DOCK1: variants seen among roughly 807,000 people sequenced by gnomAD.
The protein encoded by DOCK1 is dedicator of cytokinesis protein 1.
DOCK1 carries 138 observed loss-of-function variants against 262.7 expected under a neutral mutation model. The observed-to-expected ratio is 0.53, with a 90% CI of 0.46 to 0.61. The LOEUF (loss-of-function observed/expected upper bound fraction) is 0.61. Among genes scored for constraint, DOCK1 ranks in the 20% least tolerant of loss-of-function variants. The probability of loss-of-function intolerance (pLI) is 0.00; values close to 1 mark genes in which losing one functional copy is unlikely to be tolerated. For missense variants in DOCK1, 1,908 were observed against 2,370.7 expected (o/e 0.80, Z 4.05); for synonymous variants, 866 against 867.4 (o/e 1.00, Z 0.03).
intron 1 of DOCK1, among the ~76,000 whole-genome samples, chr10:126,922,732 A>G (rs2033325425): frequency 6.6e-6 from 1 of 152,236 alleles, no homozygotes; most frequent in African/African-American, 2.4e-5. Flanking sequence ...GCACAACATT[A>G]GGAATGTACT....
chr10:127,102,497 G>A (rs2048310183), intron 23 of DOCK1, among the ~76,000 whole-genome samples: 1 of 152,152 alleles, frequency 6.6e-6, no homozygotes, highest in African/African-American at 2.4e-5. Context: ...AGATAGCTAT[G>A]GAAATATTCC....
chr10:127,431,447 C>G (rs2069284223), intron 47 of DOCK1, among the ~76,000 whole-genome samples: 1 of 152,230 alleles, frequency 6.6e-6, no homozygotes, highest in Non-Finnish European at 1.5e-5. Flanking sequence ...TCAACCAAGA[C>G]CTGAGGTCAC....
chr10:127,032,656 C>T (rs1302487217), intron 18 of DOCK1, among the ~76,000 whole-genome samples: 2 of 152,140 alleles, frequency 1.3e-5, no homozygotes, highest in Admixed American at 6.5e-5. Flanking sequence ...TAGGCTCAGG[C>T]GATCCTCCCA....
intron 21 of DOCK1, among the ~76,000 whole-genome samples, chr10:127,051,938 G>T (rs1426002907): frequency 6.6e-6 from 1 of 152,168 alleles, no homozygotes; most frequent in African/African-American, 2.4e-5. Context: ...CTATCCATCA[G>T]AGAGTATTTT....
At chr10:127,196,504 G>A (rs1428778012) in intron 27 of DOCK1, among the ~76,000 whole-genome samples, 9 of 148,130 alleles carry the variant, frequency 6.1e-5, no homozygotes, top group African/African-American at 1.7e-4. Flanking sequence ...CAGCTACTCC[G>A]CGGAGCCGGG....
chr10:127,011,775 G>T (rs1370438752), intron 11 of DOCK1, among the ~76,000 whole-genome samples: 3 of 151,896 alleles, frequency 2.0e-5, no homozygotes, highest in Non-Finnish European at 1.5e-5. Context: ...AAGCAGTTAG[G>T]TTCCAGGGAT....
intron 13 of DOCK1, among the ~76,000 whole-genome samples, chr10:127,019,474 C>T (rs1271076801): frequency 2.0e-5 from 3 of 152,070 alleles, no homozygotes; most frequent in African/African-American, 4.8e-5. Context: ...CTTGGCAGGG[C>T]GTAGTGGCTC....
intron 48 of DOCK1, among the ~76,000 whole-genome samples, chr10:127,434,693 G>A (rs1418333259): frequency 1.4e-5 from 2 of 139,586 alleles, no homozygotes; most frequent in South Asian, 2.2e-4. Context: ...TCCCTCTGTC[G>A]CCCAGGCTGA....
chr10:127,355,634 C>T (rs1051644298), intron 32 of DOCK1, among the ~76,000 whole-genome samples: 2 of 152,224 alleles, frequency 1.3e-5, no homozygotes, highest in East Asian at 3.9e-4. Context: ...ACTCTCCCCT[C>T]TACCTCAGAG....
chr10:127,035,055 A>G (rs576867816), intron 18 of DOCK1, among the ~76,000 whole-genome samples: 1 of 152,354 alleles, frequency 6.6e-6, no homozygotes, highest in Admixed American at 6.5e-5. Context: ...GCCACTCACC[A>G]GGACTGATGG....
At chr10:127,150,854 C>T (rs1189007128) in intron 27 of DOCK1, among the ~76,000 whole-genome samples, 1 of 152,122 alleles carries the variant, frequency 6.6e-6, no homozygotes, top group Non-Finnish European at 1.5e-5. Flanking sequence ...ACTTTAAAGA[C>T]AGGAAAATTG....
chr10:127,282,612 T>C (rs1253851925), intron 29 of DOCK1, among the ~76,000 whole-genome samples: 1 of 152,024 alleles, frequency 6.6e-6, no homozygotes, highest in Non-Finnish European at 1.5e-5. Flanking sequence ...CACAAGGGGG[T>C]CACCAGGGCA....
Position 127,294,278 on chromosome 10 carries a change from T to G in DOCK1, c.3044+36849T>G, listed in dbSNP as rs570197994. Among the ~76,000 whole-genome samples the G allele has an allele frequency of 1.3e-3, 193 of 152,310 alleles. 2 individuals carry two copies. The highest frequency in any genetic ancestry group is 4.3e-3 in the African/African-American group (177 of 41,580). On this transcript the variant is annotated intron_variant, in intron 29 of 51. Transcript: ENST00000623213. The stretch of plus-strand genomic sequence containing the variant: ...GACCATTATTTGCACTAAATGTGGT[T>G]TTGTTTTGCTTTTTGTTGTCGTTTT...
intron 1 of DOCK1, among the ~76,000 whole-genome samples, chr10:126,946,247 C>T (rs1003780269): frequency 2.6e-5 from 4 of 152,084 alleles, no homozygotes; most frequent in Admixed American, 2.0e-4. Context: ...ACTTTGTATC[C>T]GTTAAAAGCT....
At chr10:127,442,752 C>T (rs986474296) in intron 49 of DOCK1, among the ~76,000 whole-genome samples, 4 of 152,230 alleles carry the variant, frequency 2.6e-5, no homozygotes, top group South Asian at 2.1e-4. Context: ...CCAAAGCATG[C>T]TGAGCACAGC....
rs1294265594 is a variant in DOCK1, at chr10:126,952,861, TGTG to T, written c.47-17838_47-17836del. On this transcript the variant is annotated intron_variant, in intron 1 of 51. Transcript: ENST00000623213. ...GTAGTGTTGGTAGTATTGTTGGTGA[TGTG>T]GTAGTATTGTTATTGTTGGTAGTAT... is the stretch of plus-strand genomic sequence containing the variant. 2.3e-3 allele frequency among the ~76,000 whole-genome samples: 342 copies of T among 147,244 alleles called. 2 individuals are homozygous for T. The highest frequency in any genetic ancestry group is 8.2e-3 in the African/African-American group (326 of 39,674).
intron 27 of DOCK1, among the ~76,000 whole-genome samples, chr10:127,150,384 T>A (rs2052374682): frequency 8.1e-6 from 1 of 123,608 alleles, no homozygotes; most frequent in South Asian, 2.9e-4. Context: ...AGTGACCCTG[T>A]GTATCAGCAA....
At chr10:126,949,010 C>G (rs2035913998) in intron 1 of DOCK1, among the ~76,000 whole-genome samples, 2 of 152,132 alleles carry the variant, frequency 1.3e-5, no homozygotes, top group African/African-American at 4.8e-5. Context: ...CCCTTTGTAA[C>G]TGAGCTTTCG....
chr10:127,173,614 T>A (rs1426925635), intron 27 of DOCK1, among the ~76,000 whole-genome samples: 1 of 152,200 alleles, frequency 6.6e-6, no homozygotes, highest in Non-Finnish European at 1.5e-5. Flanking sequence ...GATGTTGGCA[T>A]CTTTCTCTTT....
Sources: gnomAD v4.1 joint callset for allele counts (sites outside exome capture counted in the v4.1 genomes callset) on GRCh38, gnomAD v4.1.1 for gene constraint, MANE v1.5 for transcripts, NCBI Gene and HGNC (gene_info 2026-07-23, HGNC 2026-07-21) for gene names.